TBC1D4: variants seen among roughly 807,000 people sequenced by gnomAD.
The protein encoded by TBC1D4 is TBC1 domain family member 4.
TBC1D4 carries 121 observed loss-of-function variants against 142.5 expected under a neutral mutation model. The observed-to-expected ratio is 0.85, with a 90% confidence interval of 0.73 to 0.99. TBC1D4 has a LOEUF of 0.99. Among genes scored for constraint, TBC1D4 ranks in the 50% least tolerant of loss-of-function variants. TBC1D4 has a pLI of 0.00. For missense variants in TBC1D4, 1,475 were observed against 1,606.6 expected (o/e 0.92, Z 1.40); for synonymous variants, 630 against 628.2 (o/e 1.00, Z -0.04).
intron 18 of TBC1D4, among the ~76,000 whole-genome samples, chr13:75,293,176 A>G (rs1346304733): frequency 3.9e-5 from 6 of 152,222 alleles, no homozygotes; most frequent in Admixed American, 3.9e-4. Flanking sequence ...AAAGAAAGAA[A>G]TAAAAGTATC....
At position 75,312,723 on chromosome 13, in the gene TBC1D4, G is replaced by A; in HGVS notation, c.2383+15C>T. The A allele has an allele frequency of 1.2e-6, 2 of 1,614,112 alleles. No homozygotes were observed. The highest frequency in any genetic ancestry group is 1.7e-6 in the Non-Finnish European group (2 of 1,179,980). ...CACTCAGAGGGATAAATTCCTTAGG[G>A]AGTGCAACACAGACCTTGCTGTTGC... On this transcript the variant is annotated intron_variant, in intron 13 of 20. Transcript: ENST00000377636.
chr13:75,386,482 G>C (rs1275266382), intron 1 of TBC1D4, among the ~76,000 whole-genome samples: 1 of 149,590 alleles, frequency 6.7e-6, no homozygotes, highest in Non-Finnish European at 1.5e-5. Flanking sequence ...TCCGCCTCTT[G>C]GGTCCACGCC....
intron 12 of TBC1D4, 93 bp downstream of exon 12, chr13:75,319,921 G>A: frequency 2.2e-6 from 3 of 1,381,926 alleles, no homozygotes; most frequent in South Asian, 2.5e-5. Context: ...GCATTCAGGA[G>A]ACAAACAAAA....
At chr13:75,353,631 G>A (rs1383463838) in intron 4 of TBC1D4, among the ~76,000 whole-genome samples, 3 of 152,092 alleles carry the variant, frequency 2.0e-5, no homozygotes, top group African/African-American at 7.2e-5. Context: ...GCAAAAAAGG[G>A]GGTCAAGAAA....
intron 4 of TBC1D4, among the ~76,000 whole-genome samples, chr13:75,353,535 G>A (rs1046828741): frequency 6.6e-6 from 1 of 152,154 alleles, no homozygotes; most frequent in African/African-American, 2.4e-5. Flanking sequence ...ATAAGTGAGT[G>A]TGGGGATTGG....
chr13:75,381,454 A>C (rs1310402318), intron 1 of TBC1D4, among the ~76,000 whole-genome samples: 1 of 152,226 alleles, frequency 6.6e-6, no homozygotes, highest in African/African-American at 2.4e-5. Context: ...GATTTCTCCA[A>C]TGATTTAAAT....
intron 1 of TBC1D4, among the ~76,000 whole-genome samples, chr13:75,474,813 T>G (rs1888569301): frequency 6.6e-6 from 1 of 151,926 alleles, no homozygotes; most frequent in Non-Finnish European, 1.5e-5. Context: ...ATTTTTGTAT[T>G]TTTAGTAGAG....
chr13:75,359,613 C>A (rs1053497334), intron 3 of TBC1D4, among the ~76,000 whole-genome samples, 156 bp downstream of exon 3: 4 of 152,082 alleles, frequency 2.6e-5, no homozygotes, highest in Admixed American at 2.6e-4. Flanking sequence ...AGACAAAAAC[C>A]CAGGAGCCCT....
chr13:75,461,974 T>A (rs1309985787), intron 1 of TBC1D4, among the ~76,000 whole-genome samples: 1 of 152,180 alleles, frequency 6.6e-6, no homozygotes, highest in Admixed American at 6.5e-5. Flanking sequence ...AACCTCTTAT[T>A]CCCAGTTGTC....
At position 75,349,240 on chromosome 13, in the gene TBC1D4, G is replaced by A. The variant is rs146668148; in HGVS notation, c.1338C>T (p.Ala446=). The change falls in exon 5 of 21, where the codon GCC becomes GCT. Residue 446 remains alanine (A), a synonymous_variant. Transcript: ENST00000377636. ...AFSTAAALQS[A]KTQIKLCEAC... ...CCTCACACAGTTTAATCTGCGTCTT[G>A]GCACTCTGCAGGGCAGCCGCCGTAC... is the stretch of plus-strand genomic sequence containing the variant. 8.4e-5 allele frequency: 136 copies of A among 1,613,874 alleles called. No individual in the cohort carries two copies. In the East Asian group the frequency reaches 2.9e-3, roughly 35 times the overall value.
At chr13:75,476,893 C>T (rs1161933871) in intron 1 of TBC1D4, among the ~76,000 whole-genome samples, 2 of 152,198 alleles carry the variant, frequency 1.3e-5, no homozygotes. Flanking sequence ...CTGACACACA[C>T]ACTGAAGTTT....
At chr13:75,388,241 C>T (rs533260260) in intron 1 of TBC1D4, among the ~76,000 whole-genome samples, 28 of 152,280 alleles carry the variant, frequency 1.8e-4, no homozygotes, top group African/African-American at 6.7e-4. Flanking sequence ...ACTTTAATCA[C>T]ATCTGCAAAG....
chr13:75,451,779 AAATAT>A (rs1466154286), intron 1 of TBC1D4, among the ~76,000 whole-genome samples: 5 of 149,396 alleles, frequency 3.3e-5, no homozygotes, highest in African/African-American at 9.8e-5. Context: ...TATTTGTAAT[AAATAT>A]AATATACACT....
intron 1 of TBC1D4, among the ~76,000 whole-genome samples, chr13:75,469,530 G>A (rs554060010): frequency 1.3e-5 from 2 of 152,268 alleles, no homozygotes; most frequent in African/African-American, 4.8e-5. Context: ...CAGCACTTTA[G>A]GGGGCTGAAG....
At chr13:75,371,967 T>C (rs1229526219) in intron 1 of TBC1D4, among the ~76,000 whole-genome samples, 1 of 152,222 alleles carries the variant, frequency 6.6e-6, no homozygotes, top group Non-Finnish European at 1.5e-5. Flanking sequence ...TATGTTTCTT[T>C]CCTTAGATAT....
chr13:75,306,526 TA>T, intron 14 of TBC1D4, 55 bp from the exon 15 acceptor site: 1 of 1,600,240 alleles, frequency 6.2e-7, no homozygotes, highest in Non-Finnish European at 8.5e-7. Context: ...TGTAAAACTT[TA>T]GACGTTTGAT....
chr13:75,469,460 G>A (rs1466320849), intron 1 of TBC1D4, among the ~76,000 whole-genome samples: 2 of 152,180 alleles, frequency 1.3e-5, no homozygotes, highest in East Asian at 1.9e-4. Flanking sequence ...TGGTAATGGA[G>A]AGCTGTGGAC....
intron 1 of TBC1D4, among the ~76,000 whole-genome samples, chr13:75,444,651 T>C (rs982156931): frequency 6.6e-6 from 1 of 152,202 alleles, no homozygotes; most frequent in East Asian, 1.9e-4. Context: ...AGCTTTTCTG[T>C]AAGCCACCTT....
At chr13:75,296,553 T>C (rs1004210319) in intron 17 of TBC1D4, among the ~76,000 whole-genome samples, 7 of 152,182 alleles carry the variant, frequency 4.6e-5, no homozygotes, top group African/African-American at 1.7e-4. Context: ...AAGAACACAA[T>C]TCAGGCTTCC....
Sources: allele counts gnomAD v4.1 joint callset (sites outside exome capture counted in the v4.1 genomes callset), GRCh38; gene constraint gnomAD v4.1.1; transcripts MANE v1.5; gene names NCBI Gene and HGNC (gene_info 2026-07-23, HGNC 2026-07-21).